The following NEU3 variants were observed in gnomAD, a reference collection of about 807,000 sequenced individuals.
NEU3 encodes the protein neuraminidase 3, also known as sialidase-3.
In NEU3, 10 loss-of-function variants were observed where a neutral mutation model predicts 11.4. The observed-to-expected ratio is 0.88, with a 90% CI of 0.54 to 1.49. The LOEUF (loss-of-function observed/expected upper bound fraction) is 1.49. Ranked by LOEUF, NEU3 falls within the 40% of genes most tolerant of loss-of-function variation. The probability of loss-of-function intolerance (pLI) is 0.00; values close to 1 mark genes in which losing one functional copy is unlikely to be tolerated. For synonymous variants in NEU3, 212 were observed against 228.2 expected (o/e 0.93, Z 0.64); for missense variants, 529 against 581.8 (o/e 0.91, Z 0.93).
At position 75,007,431 on chromosome 11, in the gene NEU3, T is replaced by C. The variant is rs1241008155; in HGVS notation, c.*939T>C. 6.6e-6 allele frequency: 1 copy of C among 152,188 alleles called. No homozygotes were observed. Among genetic ancestry groups the C allele is most frequent in the East Asian group, 1.9e-4 (1 of 5,192 alleles). 9.4% of individuals were successfully genotyped at this position (152,188 alleles called of 1,614,324 possible). A position where few individuals can be genotyped will look rare whatever the true frequency, so the allele number is the denominator to read the frequency against. On this transcript the variant is annotated 3_prime_UTR_variant, in exon 3 of 3. Transcript: ENST00000294064. Reference sequence around the variant, plus strand: ...GGGAGACTTTGTAGATGTTGGGCTATATGTTGGGGTGATGGTAGCTCCTGA... The same window carrying C: ...GGGAGACTTTGTAGATGTTGGGCTACATGTTGGGGTGATGGTAGCTCCTGA...
intron 1 of NEU3, 65 bp downstream of exon 1, chr11:74,989,219 A>G: frequency 7.5e-7 from 1 of 1,329,410 alleles, no homozygotes; most frequent in South Asian, 1.3e-5. Flanking sequence ...CAGGTTGAGC[A>G]AGACCATCTG....
At chr11:74,981,011 G>A in the NEU3 span, among the ~76,000 whole-genome samples, 21 of 152,338 alleles carry the variant, frequency 1.4e-4, no homozygotes, top group African/African-American at 5.1e-4. Context: ...TTGGTTTATC[G>A]ACTTGGGCAT....
At chr11:74,987,465 A>G (rs1948676804), upstream of NEU3, among the ~76,000 whole-genome samples, 2 of 152,084 alleles carry the variant, frequency 1.3e-5, no homozygotes, top group Non-Finnish European at 2.9e-5. Flanking sequence ...CTGCACCTAA[A>G]ATCAGCCATT....
chr11:75,005,485 G>A lies in NEU3; in HGVS notation c.379G>A (p.Glu127Lys). 6.2e-7 allele frequency: 1 copy of A among 1,613,900 alleles called. No individual in the cohort carries two copies. ...GACCATGAACCCCTGTCCTGTATGG[G>A]AGCAGAAGAGTGGTTGTGTGTTCCT... is the stretch of plus-strand genomic sequence containing the variant. Reference protein sequence around the residue: ...HRTMNPCPVWEQKSGCVFLFF... With the variant: ...HRTMNPCPVWKQKSGCVFLFF... Residue 127 changes from glutamate to lysine, a missense_variant, in exon 3 of 3, where the codon GAG becomes AAG. By Grantham distance (56) the Glu-to-Lys change is moderately conservative. Coordinates refer to ENST00000294064, the MANE Select transcript of NEU3 (RefSeq NM_006656.6).
downstream of NEU3, among the ~76,000 whole-genome samples, chr11:75,013,202 C>A (rs368378758): frequency 1.3e-3 from 204 of 152,288 alleles, no homozygotes; most frequent in African/African-American, 4.8e-3. Flanking sequence ...TCCTGGGAAC[C>A]AGTTGATTCA....
At chr11:74,981,116 C>A in the NEU3 span, among the ~76,000 whole-genome samples, 1 of 152,204 alleles carries the variant, frequency 6.6e-6, no homozygotes, top group Non-Finnish European at 1.5e-5. Flanking sequence ...TCATGCCAGG[C>A]TTAGACCCAT....
At position 75,006,009 on chromosome 11, in the gene NEU3, G is replaced by T; in HGVS notation, c.903G>T (p.Leu301=). The T allele has an allele frequency of 6.2e-7, 1 of 1,613,990 alleles. No homozygotes were observed. Among genetic ancestry groups the T allele is most frequent in the Non-Finnish European group, 8.5e-7 (1 of 1,179,898 alleles). ...DHGEGFQRLA[L]SRQLCEPPHG... is the part of the protein sequence containing the mutation. ...GTGAAGGCTTTCAGAGACTGGCCCTGAGTCGACAGCTCTGTGAGCCCCCAC... is the reference window on the plus strand; with the variant it reads ...GTGAAGGCTTTCAGAGACTGGCCCTTAGTCGACAGCTCTGTGAGCCCCCAC... The change falls in exon 3 of 3, where the codon CTG becomes CTT. Residue 301 remains leucine (L), a synonymous_variant. Coordinates refer to ENST00000294064, the MANE Select transcript of NEU3 (RefSeq NM_006656.6).
chr11:74,991,721 C>T (rs1002004342), intron 1 of NEU3, among the ~76,000 whole-genome samples: 1 of 152,222 alleles, frequency 6.6e-6, no homozygotes, highest in Non-Finnish European at 1.5e-5. Flanking sequence ...GGCCCCAAAA[C>T]TCACTGTTTT....
chr11:74,997,638 GT>G (rs1166559947), intron 2 of NEU3, among the ~76,000 whole-genome samples: 2 of 143,478 alleles, frequency 1.4e-5, no homozygotes, highest in African/African-American at 2.6e-5. Context: ...GAGGTCAGGA[GT>G]TCGAGACCAG....
chr11:74,984,259 A>G (rs962439747), upstream of NEU3, among the ~76,000 whole-genome samples: 24 of 152,244 alleles, frequency 1.6e-4, no homozygotes, highest in African/African-American at 5.8e-4. Context: ...ATGTTTGTAT[A>G]GTAAACAACC....
chr11:74,988,660 C>CTA (rs1366533175), upstream of NEU3: 1 of 236,698 alleles, frequency 4.2e-6, no homozygotes. Context: ...TGATACCGAG[C>CTA]TACAGACCAA....
upstream of NEU3, among the ~76,000 whole-genome samples, chr11:74,985,197 G>C (rs1291931872): frequency 6.6e-6 from 1 of 152,032 alleles, no homozygotes; most frequent in Admixed American, 6.5e-5. Context: ...GACATGACCC[G>C]GTTTTTATAA....
chr11:74,991,206 G>A (rs1011205153), intron 1 of NEU3, among the ~76,000 whole-genome samples: 56 of 152,212 alleles, frequency 3.7e-4, no homozygotes, highest in Non-Finnish European at 6.0e-4. Flanking sequence ...TCCCGGGGAG[G>A]AGAGCCTGAA....
At chr11:75,003,964 C>A (rs1948872301) in intron 2 of NEU3, among the ~76,000 whole-genome samples, 1 of 151,902 alleles carries the variant, frequency 6.6e-6, no homozygotes, top group South Asian at 2.1e-4. Context: ...ATTGCATGTT[C>A]ATTTCACCCA....
At position 74,994,711 on chromosome 11, in the gene NEU3, G is replaced by T. The variant is rs1299073653; in HGVS notation, c.297G>T (p.Gln99His). 1.2e-6 allele frequency: 2 copies of T among 1,613,714 alleles called. No homozygotes were observed. Among genetic ancestry groups the T allele is most frequent in the South Asian group, 1.1e-5 (1 of 91,082 alleles). ...LVLRRGLRIG[Q>H]LVQWGPLKPL... ...TGAGGCGAGGGTTGAGGATTGGGCA[G>T]TTGGTACAGGTGACTCTTCATCCCA... The change falls in exon 2 of 3, where the codon CAG (glutamine) becomes CAT (histidine). Residue 99 changes from glutamine to histidine, a missense_variant. Gln to His is a conservative substitution (Grantham distance 24). Transcript: ENST00000294064.
At chr11:75,011,811 A>C (rs1948957152), downstream of NEU3, among the ~76,000 whole-genome samples, 1 of 152,176 alleles carries the variant, frequency 6.6e-6, no homozygotes, top group Non-Finnish European at 1.5e-5. Context: ...CCTGGAACTG[A>C]AATGTAAGCC....
rs932291569 is a variant in NEU3 at position 74,989,040 on chromosome 11, G to A, written c.-21G>A. On this transcript the variant is annotated 5_prime_UTR_variant, in exon 1 of 3. Coordinates refer to ENST00000294064, the MANE Select transcript of NEU3 (RefSeq NM_006656.6). ...CAGTCTCCCCAGCCTTGGGGCCGGTGCCTCTTCCGGGCTTCGGCGAATGAG... is the reference window on the plus strand; with the variant it reads ...CAGTCTCCCCAGCCTTGGGGCCGGTACCTCTTCCGGGCTTCGGCGAATGAG... The A allele has an allele frequency of 5.2e-6, 8 of 1,542,990 alleles. No homozygotes were observed. The African/African-American group carries it at 6.9e-5, about 13-fold the overall frequency.
intron 3 of NEU3, among the ~76,000 whole-genome samples, chr11:75,015,999 G>C (rs2140259833): frequency 6.6e-6 from 1 of 152,310 alleles, no homozygotes. Flanking sequence ...TGGATAGTCT[G>C]TGGACAAAGA....
intron 2 of NEU3, among the ~76,000 whole-genome samples, chr11:75,001,045 A>G (rs779458590): frequency 6.6e-6 from 1 of 152,064 alleles, no homozygotes; most frequent in Non-Finnish European, 1.5e-5. Flanking sequence ...GCCATTTTCC[A>G]TAGTGGCTAC....
Sources: gnomAD v4.1 joint callset for allele counts (sites outside exome capture counted in the v4.1 genomes callset) on GRCh38, gnomAD v4.1.1 for gene constraint, MANE v1.5 for transcripts, NCBI Gene and HGNC (gene_info 2026-07-23, HGNC 2026-07-21) for gene names.